TNS3: variants seen among roughly 807,000 people sequenced by gnomAD.
The protein encoded by TNS3 is tensin-3.
A neutral mutation model predicts 140.9 loss-of-function variants in TNS3; 45 were observed. The ratio of observed to expected loss-of-function variants is 0.32; its 90% CI spans 0.25 to 0.41. The LOEUF is 0.41. TNS3 is among the 10% of genes least tolerant of loss of function. TNS3 has a pLI of 1.00. For synonymous variants in TNS3, 815 were observed against 788.4 expected, an observed-to-expected ratio of 1.03 and a Z score of -0.56; for missense variants, 1,716 against 1,906.7, an observed-to-expected ratio of 0.90 and a Z score of 1.86.
chr7:47,304,917 C>T lies in TNS3; in HGVS notation c.2737G>A (p.Asp913Asn). 7.0e-7 allele frequency: 1 copy of T among 1,435,570 alleles called. No homozygotes were observed. Among genetic ancestry groups the T allele is most frequent in the Non-Finnish European group, 9.3e-7 (1 of 1,080,728 alleles). The allele number at this position is 1,435,570 out of a possible 1,614,324, so 88.9% of individuals were successfully genotyped here. A position where few individuals can be genotyped will look rare whatever the true frequency, so the allele number is the denominator to read the frequency against. The change falls in exon 21 of 31, where the codon GAT becomes AAT. Residue 913 changes from aspartate (D) to asparagine (N), a missense_variant. By Grantham distance (23) the Asp-to-Asn change is conservative. This residue lies in a region of TNS3 where 1,163 missense variants were observed against 1,182.1 expected (regional missense o/e 0.98). Transcript: ENST00000311160. Reference protein sequence around the residue: ...IGPKSTMLRADASSTPSFQQA... With the variant: ...IGPKSTMLRANASSTPSFQQA... ...TGAAAGGAGGGCGTCGAGGACGCAT[C>T]AGCCCGGAGCATCGTGGATTTGGGT... is the stretch of plus-strand genomic sequence containing the variant.
At chr7:47,356,927 A>T (rs1469012186) in intron 17 of TNS3, among the ~76,000 whole-genome samples, 1 of 151,190 alleles carries the variant, frequency 6.6e-6, no homozygotes, top group East Asian at 1.9e-4. Context: ...AAAATACAAA[A>T]AAAAAAAAAA....
intron 8 of TNS3, among the ~76,000 whole-genome samples, chr7:47,432,109 A>G (rs1396100497): frequency 3.3e-5 from 5 of 152,234 alleles, no homozygotes; most frequent in Admixed American, 1.3e-4. Flanking sequence ...AAACTTCGCT[A>G]TGGTTTAAAT....
chr7:47,294,740 G>A (rs1336554642), intron 24 of TNS3, among the ~76,000 whole-genome samples: 1 of 152,230 alleles, frequency 6.6e-6, no homozygotes, highest in African/African-American at 2.4e-5. Context: ...CATTTCACAA[G>A]GGCAGTAAAG....
At chr7:47,286,195 G>T (rs1785412871) in intron 27 of TNS3, among the ~76,000 whole-genome samples, 1 of 152,172 alleles carries the variant, frequency 6.6e-6, no homozygotes, top group African/African-American at 2.4e-5. Flanking sequence ...AACCACAGCT[G>T]CCACAACCCA....
chr7:47,442,902 A>C (rs1368730885), intron 4 of TNS3, among the ~76,000 whole-genome samples: 1 of 152,206 alleles, frequency 6.6e-6, no homozygotes, highest in Non-Finnish European at 1.5e-5. Flanking sequence ...CTGGGATCCC[A>C]CTCAGGCAGG....
chr7:47,300,497 G>T (rs1211974977), intron 23 of TNS3, among the ~76,000 whole-genome samples: 1 of 152,098 alleles, frequency 6.6e-6, no homozygotes, highest in African/African-American at 2.4e-5. Context: ...CCTTCCACAT[G>T]GCACTGCTCT....
chr7:47,345,945 G>A (rs1789311893), intron 18 of TNS3, among the ~76,000 whole-genome samples: 2 of 152,216 alleles, frequency 1.3e-5, no homozygotes, highest in South Asian at 4.1e-4. Context: ...CACCAGCATA[G>A]CTATCTCTGG....
chr7:47,453,203 A>T (rs1384729607), intron 4 of TNS3: 1 of 985,482 alleles, frequency 1.0e-6, no homozygotes, highest in African/African-American at 1.7e-5. Context: ...CTCACAGGAC[A>T]ATGTCCGCCC....
intron 4 of TNS3, among the ~76,000 whole-genome samples, chr7:47,480,272 C>T (rs1031617014): frequency 2.0e-5 from 3 of 152,222 alleles, no homozygotes; most frequent in East Asian, 1.9e-4. Context: ...CAGGGAACAA[C>T]ACACCTGACA....
rs550762027 is a variant in TNS3, at chr7:47,278,460, T to A, written c.4194-240A>T. On this transcript the variant is annotated intron_variant, in intron 30 of 30. Coordinates refer to ENST00000311160, the MANE Select transcript of TNS3 (RefSeq NM_022748.12). ...GAGGACCCTGAGGCTGAGAGGTGAG[T>A]GCCCTGTCCACAGCCCCAGGTTAGG... The A allele has an allele frequency of 4.9e-5, 25 of 512,844 alleles. No individual in the cohort carries two copies. The South Asian group carries it at 7.3e-4, about 15-fold the overall frequency. The allele number at this position is 512,844 out of a possible 1,614,324, so 31.8% of individuals were successfully genotyped here.
intron 3 of TNS3, among the ~76,000 whole-genome samples, chr7:47,498,346 G>C (rs73695358): frequency 0.043 from 6,616 of 152,248 alleles, 513 homozygotes; most frequent in African/African-American, 0.15. Context: ...CCTGAGCCAC[G>C]TGCAGGATGC....
At chr7:47,312,072 G>A (rs1787136128) in intron 20 of TNS3, among the ~76,000 whole-genome samples, 1 of 152,136 alleles carries the variant, frequency 6.6e-6, no homozygotes, top group Non-Finnish European at 1.5e-5. Flanking sequence ...TGTGTCTGCT[G>A]CACCCAACTG....
chr7:47,432,885 C>T (rs1170034609), intron 8 of TNS3, among the ~76,000 whole-genome samples: 4 of 152,222 alleles, frequency 2.6e-5, no homozygotes, highest in Non-Finnish European at 5.9e-5. Flanking sequence ...GTGCAAGCTG[C>T]ATTCTTTTGG....
rs183271721 is a variant in TNS3, at chr7:47,542,075, T to A, written c.-264-12928A>T. The stretch of plus-strand genomic sequence containing the variant: ...CGTGGGATGGGAGACTCGGGAGTTA[T>A]GTGCAGTGGAGAGACAGAATCTAAT... On this transcript the variant is annotated intron_variant, in intron 1 of 30. Transcript: ENST00000311160. 1.2e-3 allele frequency among the ~76,000 whole-genome samples: 175 copies of A among 152,050 alleles called. 1 individual carries two copies. Among genetic ancestry groups the A allele is most frequent in the African/African-American group, 4.0e-3 (166 of 41,460 alleles).
chr7:47,536,873 C>T (rs573838303), intron 1 of TNS3, among the ~76,000 whole-genome samples: 23 of 152,324 alleles, frequency 1.5e-4, no homozygotes, highest in Admixed American at 3.9e-4. Context: ...CGCGCACTGA[C>T]AAGGGCACAC....
rs552116485 is a variant in TNS3 at position 47,507,521 on chromosome 7, T to G, written c.-152-577A>C. Reference sequence around the variant, plus strand: ...CTGAGAACTGACTGTCAGAATAAATTCATGTCTAAATTCCTATAGGAGAAT... The same window carrying G: ...CTGAGAACTGACTGTCAGAATAAATGCATGTCTAAATTCCTATAGGAGAAT... On this transcript the variant is annotated intron_variant, in intron 2 of 30. Transcript: ENST00000311160. Among the ~76,000 whole-genome samples the G allele has an allele frequency of 3.3e-5, 5 of 152,238 alleles. No homozygotes were observed. In the South Asian group the frequency reaches 1.0e-3, roughly 32 times the overall value.
intron 1 of TNS3, among the ~76,000 whole-genome samples, chr7:47,581,285 T>C (rs1015520832): frequency 2.0e-5 from 3 of 151,728 alleles, no homozygotes; most frequent in Non-Finnish European, 2.9e-5. Context: ...AGGAGGCACA[T>C]GCCACACAGC....
chr7:47,538,829 T>C (rs1403349869), intron 1 of TNS3, among the ~76,000 whole-genome samples: 3 of 152,200 alleles, frequency 2.0e-5, no homozygotes, highest in African/African-American at 7.2e-5. Context: ...TCTATATTCA[T>C]TCCTTCATTC....
chr7:47,321,138 G>A (rs1787712673), intron 20 of TNS3, among the ~76,000 whole-genome samples: 1 of 152,240 alleles, frequency 6.6e-6, no homozygotes, highest in Admixed American at 6.5e-5. Context: ...CCCTGAGCCA[G>A]CCCGAGGAGG....
Sources: allele counts gnomAD v4.1 joint callset (sites outside exome capture counted in the v4.1 genomes callset), GRCh38; gene constraint gnomAD v4.1.1; regional missense constraint gnomAD v4.1.1; transcripts MANE v1.5; gene names NCBI Gene and HGNC (gene_info 2026-07-23, HGNC 2026-07-21).